The following ZBTB48 variants were observed in gnomAD, a reference collection of about 807,000 sequenced individuals.
ZBTB48 encodes zinc finger and BTB domain containing 48.
A neutral mutation model predicts 64.5 loss-of-function variants in ZBTB48; 35 were observed. The observed-to-expected ratio is 0.54, with a 90% CI of 0.41 to 0.72. The LOEUF is 0.72. Ranked by LOEUF, ZBTB48 falls within the 30% of genes least tolerant of loss-of-function variation. The pLI is 0.00. For missense variants in ZBTB48, 828 were observed against 895.3 expected, an observed-to-expected ratio of 0.92 and a Z score of 0.96; for synonymous variants, 442 against 356.7, an observed-to-expected ratio of 1.24 and a Z score of -2.70.
At chr1:6,586,434 C>G (rs1016873470) in intron 4 of ZBTB48, 1 of 632,940 alleles carries the variant, frequency 1.6e-6, no homozygotes, top group South Asian at 2.6e-5. Flanking sequence ...TCAGCAGCCA[C>G]TAGGGCCAGG....
In ZBTB48 at chr1:6,584,808, TGA is replaced by T. The variant is rs1485472641; in HGVS notation, c.933-1105_933-1104del. On this transcript the variant is annotated intron_variant, in intron 3 of 10. Transcript: ENST00000377674. This position sits in a 1 kb window ranked among gnomAD's most constrained non-coding sequence, Gnocchi z 4.5. Reference sequence around the variant, plus strand: ...AGATAGTTGCTGTAGAGGAAGAGGATGAGAGAGCTGCTTGGCCTCTGGAAGGT... The same window carrying T: ...AGATAGTTGCTGTAGAGGAAGAGGATGAGAGCTGCTTGGCCTCTGGAAGGT... Among the ~76,000 whole-genome samples the T allele has an allele frequency of 1.3e-5, 2 of 152,154 alleles. No individual in the cohort carries two copies. Among genetic ancestry groups the T allele is most frequent in the Non-Finnish European group, 2.9e-5 (2 of 68,034 alleles).
rs1640706003 is a variant in ZBTB48, at chr1:6,587,270, T to C, written c.1203T>C (p.His401=). ...TGCAGAGCCACATGATCAAACTTCA[T>C]GGAGCCCCCAAGCCCCATGCAGTAA... is the stretch of plus-strand genomic sequence containing the variant. ...KDLQSHMIKL[H]GAPKPHACPT... Residue 401 remains histidine, a synonymous_variant, in exon 6 of 11, where the codon CAT becomes CAC. Coordinates refer to ENST00000377674, the MANE Select transcript of ZBTB48 (RefSeq NM_005341.4). 2 of 1,613,942 alleles carry C rather than the reference T, an allele frequency of 1.2e-6. No homozygotes were observed. Among genetic ancestry groups the C allele is most frequent in the Admixed American group, 1.7e-5 (1 of 60,000 alleles).
intron 6 of ZBTB48, 49 bp from the exon 7 acceptor site, chr1:6,587,429 T>C (rs1303806526): frequency 6.2e-7 from 1 of 1,611,772 alleles, no homozygotes; most frequent in African/African-American, 1.3e-5. Context: ...CCTTCCCTGC[T>C]CTCACCCTGG....
In ZBTB48 at chr1:6,588,320, C is replaced by T. The variant is rs1289369954; in HGVS notation, c.1559C>T (p.Pro520Leu). 8.1e-6 allele frequency: 13 copies of T among 1,608,160 alleles called. No homozygotes were observed. The highest frequency in any genetic ancestry group is 4.0e-5 in the African/African-American group (3 of 74,868). The change falls in exon 9 of 11, where the codon CCC becomes CTC. Residue 520 changes from proline (P) to leucine (L), a missense_variant. Transcript: ENST00000377674. ...KHNRTHTGER[P>L]FSCEFCEQRF... is the part of the protein sequence containing the mutation. ...AACCGCACCCACACCGGGGAAAGGC[C>T]CTTCAGTTGCGAGTTCTGTGAACAG... is the stretch of plus-strand genomic sequence containing the variant.
intron 5 of ZBTB48, 99 bp from the exon 6 acceptor site, chr1:6,587,106 C>G: frequency 7.7e-7 from 1 of 1,302,236 alleles, no homozygotes; most frequent in South Asian, 1.2e-5. Context: ...ATCATCTCAC[C>G]GGGGCCTCCC....
chr1:6,585,402 A>G (rs574500880), intron 3 of ZBTB48: 3 of 158,680 alleles, frequency 1.9e-5, no homozygotes, highest in African/African-American at 4.8e-5. Flanking sequence ...CACTGGGGAT[A>G]CGTGAGCCAA....
At chr1:6,587,961 C>T in intron 7 of ZBTB48, 99 bp from the exon 8 acceptor site, 2 of 1,520,808 alleles carry the variant, frequency 1.3e-6, no homozygotes, top group Non-Finnish European at 1.8e-6. Flanking sequence ...CCTAGCACTG[C>T]CCAAGCCCTC....
Position 6,584,459 on chromosome 1 carries a change from C to T in ZBTB48, c.933-1460C>T, listed in dbSNP as rs1640586283. 1.3e-5 allele frequency among the ~76,000 whole-genome samples: 2 copies of T among 152,232 alleles called. No homozygotes were observed. Among genetic ancestry groups the T allele is most frequent in the African/African-American group, 4.8e-5 (2 of 41,462 alleles). ...CCAGTCCTGCCACTCCCAGCCAAGA[C>T]ATCACTAGTCTATCATGGTGTGTTT... On this transcript the variant is annotated intron_variant, in intron 3 of 10. Transcript: ENST00000377674. The surrounding 1 kb of genome is among the most constrained non-coding windows in gnomAD (Gnocchi z 4.5).
rs17029626 is a variant in ZBTB48 at position 6,580,056 on chromosome 1, A to G, written c.-150A>G. ...TCTCCGCACTGTCGGCGGGGTACGC[A>G]TAGCCGGGCACTAGGTTCGTGGGCT... On this transcript the variant is annotated 5_prime_UTR_variant, in exon 1 of 11. Transcript: ENST00000377674. This position sits in a 1 kb window ranked among gnomAD's most constrained non-coding sequence, Gnocchi z 5.2. The G allele has an allele frequency of 0.13, 25,250 of 191,412 alleles. 2,182 individuals carry two copies. Among genetic ancestry groups the G allele is most frequent in the East Asian group, 0.36 (2,604 of 7,204 alleles). 11.9% of individuals were successfully genotyped at this position (191,412 alleles called of 1,614,324 possible).
intron 6 of ZBTB48, 23 bp from the exon 7 acceptor site, chr1:6,587,455 C>G: frequency 6.2e-7 from 1 of 1,613,438 alleles, no homozygotes; most frequent in Non-Finnish European, 8.5e-7. Context: ...GTCCCTCCCT[C>G]TGCCTGCCTG....
rs756684412 is a variant in ZBTB48, at chr1:6,586,008, A to C, written c.1022A>C (p.Asn341Thr). Reference sequence around the variant, plus strand: ...AACCTCCTGGAGCATGAAGCCCGGAATTGCATGAACCGCTCGGAACAGGTA... The same window carrying C: ...AACCTCCTGGAGCATGAAGCCCGGACTTGCATGAACCGCTCGGAACAGGTA... ...KENLLEHEAR[N>T]CMNRSEQVFT... is the part of the protein sequence containing the mutation. The change falls in exon 4 of 11, where the codon AAT becomes ACT. Residue 341 changes from asparagine (N) to threonine (T), a missense_variant. Asn to Thr is a moderately conservative substitution (Grantham distance 65, BLOSUM62 0). Transcript: ENST00000377674. 6.2e-7 allele frequency: 1 copy of C among 1,614,150 alleles called. No individual in the cohort carries two copies. The highest frequency in any genetic ancestry group is 8.5e-7 in the Non-Finnish European group (1 of 1,179,988).
intron 5 of ZBTB48, chr1:6,587,004 C>T (rs1319504414): frequency 1.2e-6 from 1 of 852,740 alleles, no homozygotes; most frequent in East Asian, 2.6e-5. Context: ...TGTTTCTTTC[C>T]ATGGAGGACA....
chr1:6,586,970 C>T (rs756370952), intron 5 of ZBTB48, 183 bp downstream of exon 5: 16 of 871,674 alleles, frequency 1.8e-5, no homozygotes, highest in African/African-American at 1.2e-4. Flanking sequence ...TGCAGCCTCA[C>T]CTCCAAGGTC....
At chr1:6,583,703 C>T (rs1264433671) in intron 3 of ZBTB48, among the ~76,000 whole-genome samples, 3 of 150,618 alleles carry the variant, frequency 2.0e-5, no homozygotes, top group Non-Finnish European at 4.4e-5. Context: ...CAGGTTTAAG[C>T]GATTCTCCTG....
Position 6,581,307 on chromosome 1 carries a change from G to A in ZBTB48, c.690+8G>A. On this transcript the variant is annotated splice_region_variant and intron_variant, in intron 2 of 10. Transcript: ENST00000377674. ...CAGGGCGGCAGTAATGAGGTACTGTGCCCAGGGTGTTGGGACTGGGGAGAC... is the reference window on the plus strand; with the variant it reads ...CAGGGCGGCAGTAATGAGGTACTGTACCCAGGGTGTTGGGACTGGGGAGAC... The A allele has an allele frequency of 6.3e-7, 1 of 1,585,426 alleles. No individual in the cohort carries two copies. Among genetic ancestry groups the A allele is most frequent in the Non-Finnish European group, 8.6e-7 (1 of 1,167,128 alleles).
At chr1:6,587,681 G>A in intron 7 of ZBTB48, 49 bp downstream of exon 7, 1 of 1,604,420 alleles carries the variant, frequency 6.2e-7, no homozygotes, top group Non-Finnish European at 8.5e-7. Context: ...TGCCAGCCCA[G>A]GCTTGCACCG....
In ZBTB48 at chr1:6,588,129, C is replaced by T. The variant is rs773363980; in HGVS notation, c.1449C>T (p.His483=). The T allele has an allele frequency of 1.9e-6, 3 of 1,614,186 alleles. No individual in the cohort carries two copies. Among genetic ancestry groups the T allele is most frequent in the Non-Finnish European group, 2.5e-6 (3 of 1,180,044 alleles). The change falls in exon 8 of 11, where the codon CAC becomes CAT. Residue 483 remains histidine (H), a synonymous_variant. Transcript: ENST00000377674. ...CCCAAAAGGCCAATCTCAACATGCA[C>T]CTGCGCACACACACGGGTGAGAAGC... is the stretch of plus-strand genomic sequence containing the variant. ...AFTQKANLNM[H]LRTHTGEKPF...
chr1:6,585,614 A>G (rs1640629951), intron 3 of ZBTB48: 8 of 340,590 alleles, frequency 2.3e-5, no homozygotes, highest in South Asian at 1.2e-4. Context: ...TGCTTCTCCA[A>G]TAGTCAGGAC....
At chr1:6,588,581 C>T in intron 9 of ZBTB48, 139 bp downstream of exon 9, 8 of 1,435,038 alleles carry the variant, frequency 5.6e-6, no homozygotes, top group Non-Finnish European at 7.4e-6. Context: ...GCTTTGAAGG[C>T]AGGGGTGTCC....
Sources: allele counts gnomAD v4.1 joint callset (sites outside exome capture counted in the v4.1 genomes callset), GRCh38; gene constraint gnomAD v4.1.1; non-coding constraint Gnocchi (gnomAD v3.1); transcripts MANE v1.5; gene names NCBI Gene and HGNC (gene_info 2026-07-23, HGNC 2026-07-21).